CLDN16: variants seen among roughly 807,000 people sequenced by gnomAD.
CLDN16 encodes the protein claudin 16, also known as claudin-16.
In CLDN16, 13 loss-of-function variants were observed where a neutral mutation model predicts 24.6. The observed-to-expected ratio is 0.53, with a 90% CI of 0.34 to 0.84. The LOEUF (loss-of-function observed/expected upper bound fraction) is 0.84, where lower values mean the gene tolerates loss of function less well. CLDN16 is among the 40% of genes least tolerant of loss of function. CLDN16 has a pLI of 0.01. For synonymous variants in CLDN16, 116 were observed against 106.7 expected (o/e 1.09, Z -0.54); for missense variants, 298 against 292.7 (o/e 1.02, Z -0.13).
intron 1 of CLDN16, among the ~76,000 whole-genome samples, chr3:190,332,995 C>A (rs1199621406): frequency 6.6e-6 from 1 of 151,958 alleles, no homozygotes; most frequent in African/African-American, 2.4e-5. Flanking sequence ...TTTTTATCCC[C>A]CTGCTTTATT....
intron 1 of CLDN16, among the ~76,000 whole-genome samples, chr3:190,364,882 A>G (rs1717984343): frequency 6.6e-6 from 1 of 151,598 alleles, no homozygotes; most frequent in Non-Finnish European, 1.5e-5. Flanking sequence ...AGAGCCCCTC[A>G]AAACTTCGCT....
the CLDN16 span, among the ~76,000 whole-genome samples, chr3:190,315,552 A>G: frequency 1.3e-5 from 2 of 152,346 alleles, no homozygotes; most frequent in South Asian, 2.1e-4. Context: ...GAGATCACAC[A>G]ATCAATAAAT....
chr3:190,390,095 C>T (rs1274802112), intron 1 of CLDN16, among the ~76,000 whole-genome samples: 1 of 152,182 alleles, frequency 6.6e-6, no homozygotes, highest in South Asian at 2.1e-4. Flanking sequence ...AAGAATACTT[C>T]TAGTTAAAAC....
intron 1 of CLDN16, among the ~76,000 whole-genome samples, chr3:190,332,853 G>A (rs898268397): frequency 4.6e-5 from 7 of 151,574 alleles, no homozygotes; most frequent in Admixed American, 6.6e-5. Context: ...TAGTCAAACC[G>A]AGCCCAGAAA....
chr3:190,408,652 G>A, intron 4 of CLDN16, 147 bp downstream of exon 4: 1 of 735,370 alleles, frequency 1.4e-6, no homozygotes, highest in Non-Finnish European at 2.3e-6. Flanking sequence ...AAGGGCAATT[G>A]AATTGTAATA....
chr3:190,326,040 G>T (rs1301194787), intron 1 of CLDN16, among the ~76,000 whole-genome samples: 1 of 152,102 alleles, frequency 6.6e-6, no homozygotes, highest in Non-Finnish European at 1.5e-5. Flanking sequence ...GTGGTTAAAA[G>T]CACAAACCTT....
At chr3:190,345,328 A>G (rs1184302194) in intron 1 of CLDN16, among the ~76,000 whole-genome samples, 2 of 152,052 alleles carry the variant, frequency 1.3e-5, no homozygotes, top group Non-Finnish European at 2.9e-5. Context: ...TCTCCTCTTC[A>G]TATCACACAC....
the CLDN16 span, among the ~76,000 whole-genome samples, chr3:190,290,712 GATAA>G: frequency 6.6e-6 from 1 of 152,044 alleles, no homozygotes; most frequent in Non-Finnish European, 1.5e-5. Context: ...GAAAATCACA[GATAA>G]ATAATTATTA....
the CLDN16 span, among the ~76,000 whole-genome samples, chr3:190,303,568 T>C: frequency 2.0e-5 from 3 of 151,978 alleles, no homozygotes; most frequent in Admixed American, 6.6e-5. Context: ...ATGAAATAAG[T>C]GAACTAAAAT....
chr3:190,373,064 C>T (rs1718176052), intron 2 of CLDN16, among the ~76,000 whole-genome samples: 1 of 151,986 alleles, frequency 6.6e-6, no homozygotes, highest in Non-Finnish European at 1.5e-5. Context: ...CATAGCCTAC[C>T]TGCTCTGTCT....
At chr3:190,383,734 T>C (rs1001160337), upstream of CLDN16, among the ~76,000 whole-genome samples, 47 of 152,302 alleles carry the variant, frequency 3.1e-4, no homozygotes, top group African/African-American at 9.6e-4. Context: ...GACTACACTT[T>C]TTCTTTCCTT....
chr3:190,343,880 T>C (rs78078139), intron 1 of CLDN16, among the ~76,000 whole-genome samples: 218 of 152,106 alleles, frequency 1.4e-3, no homozygotes, highest in African/African-American at 5.0e-3. Flanking sequence ...GATGAACAAG[T>C]TGAAAGATCT....
the CLDN16 span, among the ~76,000 whole-genome samples, chr3:190,294,386 C>T: frequency 6.6e-6 from 1 of 152,060 alleles, no homozygotes; most frequent in East Asian, 1.9e-4. Flanking sequence ...GAATGAGAGG[C>T]TGATTGGCAT....
chr3:190,301,848 A>G, the CLDN16 span, among the ~76,000 whole-genome samples: 1 of 152,122 alleles, frequency 6.6e-6, no homozygotes, highest in African/African-American at 2.4e-5. Context: ...TTATCTACTT[A>G]CGGTCTATTT....
At chr3:190,360,559 C>T (rs962181583) in intron 1 of CLDN16, among the ~76,000 whole-genome samples, 4 of 151,886 alleles carry the variant, frequency 2.6e-5, no homozygotes, top group African/African-American at 9.7e-5. Context: ...CTAGAGTTTT[C>T]AGTCCATTTG....
At position 190,408,502 on chromosome 3, in the gene CLDN16, A is replaced by C; in HGVS notation, c.571A>C (p.Lys191Gln). 6.2e-7 allele frequency: 1 copy of C among 1,613,690 alleles called. No homozygotes were observed. The highest frequency in any genetic ancestry group is 1.3e-5 in the African/African-American group (1 of 74,988). Residue 191 changes from lysine (K) to glutamine (Q), a missense_variant, in exon 4 of 5, where the codon AAA (lysine) becomes CAA (glutamine). By Grantham distance (53) the Lys-to-Gln change is moderately conservative. Coordinates refer to ENST00000264734, the MANE Select transcript of CLDN16 (RefSeq NM_006580.4). ...AVLTCCLYLFKDVGPERNYPY... is the reference protein window; with the variant it reads ...AVLTCCLYLFQDVGPERNYPY... Reference sequence around the variant, plus strand: ...TCTCACCTGCTGCTTATATCTTTTTAAAGGTAAGAATAAAATAAAATAGCA... The same window carrying C: ...TCTCACCTGCTGCTTATATCTTTTTCAAGGTAAGAATAAAATAAAATAGCA...
At chr3:190,405,580 A>G (rs904139089) in intron 3 of CLDN16, among the ~76,000 whole-genome samples, 6 of 152,046 alleles carry the variant, frequency 3.9e-5, no homozygotes, top group African/African-American at 1.4e-4. Context: ...CCAAACTTCT[A>G]CCTCCTTACC....
intron 1 of CLDN16, among the ~76,000 whole-genome samples, chr3:190,342,991 A>T (rs1276361027): frequency 6.6e-6 from 1 of 152,196 alleles, no homozygotes; most frequent in Non-Finnish European, 1.5e-5. Context: ...GCTTTTGCAT[A>T]GCAAAGAAAA....
upstream of CLDN16, among the ~76,000 whole-genome samples, chr3:190,319,610 C>G (rs1367526743): frequency 6.6e-6 from 1 of 152,202 alleles, no homozygotes; most frequent in African/African-American, 2.4e-5. Context: ...AGCCCTGCAT[C>G]TGGCCGGGAA....
Sources: gnomAD v4.1 joint callset for allele counts (sites outside exome capture counted in the v4.1 genomes callset) on GRCh38, gnomAD v4.1.1 for gene constraint, MANE v1.5 for transcripts, NCBI Gene and HGNC (gene_info 2026-07-23, HGNC 2026-07-21) for gene names.